ROBO2: variants seen among roughly 807,000 people sequenced by gnomAD.
ROBO2 encodes roundabout guidance receptor 2.
In ROBO2, 53 loss-of-function variants were observed where a neutral mutation model predicts 160.8. That is an observed-to-expected ratio of 0.33 (90% CI 0.26 to 0.41). The LOEUF is 0.41. Among genes scored for constraint, ROBO2 ranks in the 10% least tolerant of loss-of-function variants. The pLI is 1.00. For missense variants in ROBO2, 1,577 were observed against 1,722.4 expected (o/e 0.92, Z 1.49); for synonymous variants, 664 against 611.7 (o/e 1.09, Z -1.26).
At chr3:77,627,703 T>A (rs1014068477) in intron 23 of ROBO2, among the ~76,000 whole-genome samples, 1 of 152,224 alleles carries the variant, frequency 6.6e-6, no homozygotes, top group East Asian at 1.9e-4. Context: ...TTAATTTGTC[T>A]AAAGACATTT....
chr3:77,626,427 A>G (rs1406326712), intron 23 of ROBO2, among the ~76,000 whole-genome samples: 3 of 152,168 alleles, frequency 2.0e-5, no homozygotes, highest in Non-Finnish European at 4.4e-5. Flanking sequence ...ATGCACACCT[A>G]TTTGATTGTA....
intron 2 of ROBO2, among the ~76,000 whole-genome samples, chr3:76,325,294 C>T: frequency 6.6e-6 from 1 of 152,014 alleles, no homozygotes; most frequent in East Asian, 1.9e-4. Context: ...CAAAAAGAGC[C>T]AGTTAGCAGA....
chr3:76,329,260 C>A (rs985254028), intron 2 of ROBO2, among the ~76,000 whole-genome samples: 1 of 152,122 alleles, frequency 6.6e-6, no homozygotes, highest in Non-Finnish European at 1.5e-5. Context: ...GCTCTGTGGT[C>A]CAGGCTGCAG....
chr3:77,632,596 CT>C, intron 23 of ROBO2: 1 of 1,535,764 alleles, frequency 6.5e-7, no homozygotes, highest in Non-Finnish European at 8.7e-7. Flanking sequence ...TGCACAAGCA[CT>C]GGTGGCAGCA....
At chr3:77,052,356 G>C (rs1193869988) in intron 1 of ROBO2, among the ~76,000 whole-genome samples, 1 of 152,156 alleles carries the variant, frequency 6.6e-6, no homozygotes, top group Non-Finnish European at 1.5e-5. Context: ...GTGCTGCTGA[G>C]AGTCCACTCA....
intron 2 of ROBO2, among the ~76,000 whole-genome samples, chr3:76,182,673 C>A (rs2107113461): frequency 6.6e-6 from 1 of 152,242 alleles, no homozygotes; most frequent in South Asian, 2.1e-4. Flanking sequence ...CGCGACCAAC[C>A]AATGCCCTTT....
chr3:76,801,572 CAT>C (rs1279956601), intron 2 of ROBO2, among the ~76,000 whole-genome samples: 4 of 136,930 alleles, frequency 2.9e-5, no homozygotes, highest in Non-Finnish European at 6.0e-5. Flanking sequence ...ACTATGTATC[CAT>C]AAAGTTTTTT....
At chr3:76,307,486 A>C (rs1337375211) in intron 2 of ROBO2, among the ~76,000 whole-genome samples, 2 of 150,784 alleles carry the variant, frequency 1.3e-5, no homozygotes, top group African/African-American at 4.9e-5. Context: ...TTTGAGCACG[A>C]GTAGGTGGTG....
At chr3:77,206,898 T>C (rs2083513701) in intron 2 of ROBO2, among the ~76,000 whole-genome samples, 2 of 152,068 alleles carry the variant, frequency 1.3e-5, no homozygotes, top group Non-Finnish European at 2.9e-5. Flanking sequence ...AAGAAAAACA[T>C]AGACAAACAG....
In ROBO2 at chr3:76,590,904, G is replaced by T. The variant is rs1578367420; in HGVS notation, c.110-507110G>T. On this transcript the variant is annotated intron_variant, in intron 2 of 26. Transcript: ENST00000487694. ...ATGCACCTTCGTTTTGTTATCAACT[G>T]CAGTGGCAGGCTGAATAGCTAACAA... 2.0e-5 allele frequency among the ~76,000 whole-genome samples: 3 copies of T among 152,210 alleles called. 1 individual carries two copies. Among genetic ancestry groups the T allele is most frequent in the Admixed American group, 2.0e-4 (3 of 15,294 alleles).
At chr3:77,015,880 C>T (rs1158879668) in intron 2 of ROBO2, among the ~76,000 whole-genome samples, 1 of 152,208 alleles carries the variant, frequency 6.6e-6, no homozygotes, top group Admixed American at 6.5e-5. Flanking sequence ...CATATCCCCA[C>T]ATTTGAAATA....
intron 1 of ROBO2, among the ~76,000 whole-genome samples, chr3:75,935,034 A>T (rs1211175020): frequency 2.6e-5 from 4 of 152,190 alleles, no homozygotes; most frequent in Non-Finnish European, 5.9e-5. Flanking sequence ...TAGAAATTAA[A>T]AGAATGTATA....
chr3:76,179,037 G>A (rs998613765), intron 2 of ROBO2, among the ~76,000 whole-genome samples: 1 of 152,088 alleles, frequency 6.6e-6, no homozygotes, highest in African/African-American at 2.4e-5. Context: ...TTTTAAGTTA[G>A]AAAAGTTATT....
At chr3:76,633,926 T>C (rs1205110552) in intron 2 of ROBO2, among the ~76,000 whole-genome samples, 1 of 152,218 alleles carries the variant, frequency 6.6e-6, no homozygotes, top group Non-Finnish European at 1.5e-5. Context: ...AGTCAACTCA[T>C]CACTGGTTGC....
At position 77,596,606 on chromosome 3, in the gene ROBO2, T is replaced by C. The variant is rs767225888; in HGVS notation, c.2727-17T>C. 2.5e-6 allele frequency: 4 copies of C among 1,613,638 alleles called. No homozygotes were observed. Among genetic ancestry groups the C allele is most frequent in the Admixed American group, 1.7e-5 (1 of 59,994 alleles). On this transcript the variant is annotated splice_polypyrimidine_tract_variant and intron_variant, in intron 18 of 25. Transcript: ENST00000461745. ...ATTGAGCTCCATGTGTTGATTTCCT[T>C]GTAATTTCTGTTTTAGCCGTCCAGG...
At chr3:76,646,109 G>A (rs1460886032) in intron 2 of ROBO2, among the ~76,000 whole-genome samples, 1 of 152,138 alleles carries the variant, frequency 6.6e-6, no homozygotes, top group Non-Finnish European at 1.5e-5. Flanking sequence ...AGAAGAATGA[G>A]ATGATCAATT....
At chr3:77,572,063 C>G (rs148410524) in intron 13 of ROBO2, among the ~76,000 whole-genome samples, 39 of 152,100 alleles carry the variant, frequency 2.6e-4, no homozygotes, top group African/African-American at 9.2e-4. Flanking sequence ...CCCTAAAACA[C>G]TTAATTAATG....
chr3:76,673,479 G>C (rs1250528403), intron 2 of ROBO2, among the ~76,000 whole-genome samples: 1 of 152,134 alleles, frequency 6.6e-6, no homozygotes, highest in Non-Finnish European at 1.5e-5. Flanking sequence ...AGGAAAGGCA[G>C]GTACAGGATT....
chr3:76,777,746 G>A (rs562316565), intron 2 of ROBO2, among the ~76,000 whole-genome samples: 2 of 151,052 alleles, frequency 1.3e-5, no homozygotes, highest in Admixed American at 1.3e-4. Flanking sequence ...TATAAGAGAT[G>A]GAACATATTT....
Sources: allele counts gnomAD v4.1 joint callset (sites outside exome capture counted in the v4.1 genomes callset), GRCh38; gene constraint gnomAD v4.1.1; transcripts MANE v1.5; gene names NCBI Gene and HGNC (gene_info 2026-07-23, HGNC 2026-07-21).